The following VSIG4 variants were observed in gnomAD, a reference collection of about 807,000 sequenced individuals.
VSIG4 encodes the protein V-set and immunoglobulin domain containing 4, also known as V-set and immunoglobulin domain-containing protein 4.
VSIG4 carries 34 observed loss-of-function variants against 23.4 expected under a neutral mutation model. The observed-to-expected ratio is 1.45, with a 90% confidence interval of 1.10 to 1.93. VSIG4 has a LOEUF of 1.93. Among genes scored for constraint, VSIG4 ranks in the 30% most tolerant of loss-of-function variants. The pLI is 0.00. For synonymous variants in VSIG4, 169 were observed against 120.3 expected (o/e 1.41, Z -2.65); for missense variants, 433 against 310.8 (o/e 1.39, Z -2.96).
At position 66,022,046 on chromosome X, in the gene VSIG4, A is replaced by G. The variant is rs192923613; in HGVS notation, c.*217T>C. 64 of 1,158,265 alleles carry G rather than the reference A, an allele frequency of 5.5e-5. No individual in the cohort carries two copies. In the African/African-American group the frequency reaches 1.1e-3, roughly 21 times the overall value. ...GAGGAGTACCAGAAGCCCCCGGCAG[A>G]GATACTAGAAGGGCCCAGAGCCAAA... On this transcript the variant is annotated 3_prime_UTR_variant, in exon 8 of 8. Transcript: ENST00000374737.
In VSIG4 at chrX:66,022,234, T is replaced by C; in HGVS notation, c.*29A>G. 8.3e-7 allele frequency: 1 copy of C among 1,211,934 alleles called. No individual in the cohort carries two copies. The highest frequency in any genetic ancestry group is 1.1e-6 in the Non-Finnish European group (1 of 895,479). Reference sequence around the variant, plus strand: ...GGCAAGGACTGACTAGGCAATTATGTCAGCAGATCCTGGCCTAATGGGGCA... The same window carrying C: ...GGCAAGGACTGACTAGGCAATTATGCCAGCAGATCCTGGCCTAATGGGGCA... On this transcript the variant is annotated 3_prime_UTR_variant, in exon 8 of 8. Transcript: ENST00000374737.
intron 1 of VSIG4, among the ~76,000 whole-genome samples, chrX:66,036,943 TGA>T (rs1300784859): frequency 6.3e-5 from 2 of 31,985 alleles, no homozygotes; most frequent in African/African-American, 2.2e-4. Context: ...ATATATTATA[TGA>T]TATATTATAT....
chrX:66,022,224 G>A lies in VSIG4; in HGVS notation c.*39C>T, dbSNP rs1318740209. On this transcript the variant is annotated 3_prime_UTR_variant, in exon 8 of 8. Coordinates refer to ENST00000374737, the MANE Select transcript of VSIG4 (RefSeq NM_007268.3). ...CCATGCAGAAGGCAAGGACTGACTA[G>A]GCAATTATGTCAGCAGATCCTGGCC... 5 of 1,210,674 alleles carry A rather than the reference G, an allele frequency of 4.1e-6. No individual in the cohort carries two copies. The highest frequency in any genetic ancestry group is 5.6e-6 in the Non-Finnish European group (5 of 895,324).
In VSIG4 at chrX:66,024,250, G is replaced by A. The variant is rs547535262; in HGVS notation, c.940+775C>T. Among the ~76,000 whole-genome samples, 10 of 112,353 alleles carry A rather than the reference G, an allele frequency of 8.9e-5. No homozygotes were observed. In the South Asian group the frequency reaches 3.7e-3, roughly 41 times the overall value. ...CTCGGTTGGTTCATAGTTTTTAAATGGCTCTGACAACTGTGCTGTCATTAT... is the reference window on the plus strand; with the variant it reads ...CTCGGTTGGTTCATAGTTTTTAAATAGCTCTGACAACTGTGCTGTCATTAT... On this transcript the variant is annotated intron_variant, in intron 6 of 7. Coordinates refer to ENST00000374737, the MANE Select transcript of VSIG4 (RefSeq NM_007268.3).
intron 1 of VSIG4, among the ~76,000 whole-genome samples, chrX:66,037,538 ATATAT>A (rs942462702): frequency 0.015 from 315 of 21,444 alleles, 2 homozygotes; most frequent in African/African-American, 0.063. Flanking sequence ...TATATTCATA[ATATAT>A]TATATTATAT....
intron 3 of VSIG4, 97 bp from the exon 4 acceptor site, chrX:66,028,209 T>C: frequency 1.3e-6 from 1 of 744,209 alleles, no homozygotes; most frequent in Non-Finnish European, 2.1e-6. Flanking sequence ...GCCATTCAGG[T>C]CCATACTTGG....
intron 5 of VSIG4, among the ~76,000 whole-genome samples, chrX:66,026,013 G>A (rs956829639): frequency 1.8e-5 from 2 of 112,100 alleles, no homozygotes; most frequent in Non-Finnish European, 3.8e-5. Context: ...TACTAGGTTT[G>A]GGGTAAGTTT....
rs1012673228 is a variant in VSIG4 at position 66,032,808 on chromosome X, G to A, written c.413-59C>T. Reference sequence around the variant, plus strand: ...CAGTCATAAGGATATGGGACCAAAAGGCTGAATCATTCTTGTTGGGCGTAA... The same window carrying A: ...CAGTCATAAGGATATGGGACCAAAAAGCTGAATCATTCTTGTTGGGCGTAA... On this transcript the variant is annotated intron_variant, in intron 2 of 7. Transcript: ENST00000374737. The A allele has an allele frequency of 8.0e-6, 9 of 1,129,480 alleles. No homozygotes were observed. In the African/African-American group the frequency reaches 1.3e-4, roughly 16 times the overall value. 93.1% of individuals were successfully genotyped at this position (1,129,480 alleles called of 1,213,427 possible).
Position 66,025,057 on chromosome X carries a change from T to C in VSIG4, c.908A>G (p.Tyr303Cys), listed in dbSNP as rs78361676. 1,649 of 1,203,014 alleles carry C rather than the reference T, an allele frequency of 1.4e-3. 16 individuals carry two copies. The African/African-American group carries it at 0.026, about 19-fold the overall frequency. Residue 303 changes from tyrosine to cysteine, a missense_variant, in exon 6 of 8, where the codon TAT (tyrosine) becomes TGT (cysteine). Coordinates refer to ENST00000374737, the MANE Select transcript of VSIG4 (RefSeq NM_007268.3). ...LCCMVVFTMAYIMLCRKTSQQ... is the reference protein window; with the variant it reads ...LCCMVVFTMACIMLCRKTSQQ... ...GGATGTCTTCCGACAGAGCATGATA[T>C]AGGCCATGGTAAAAACCACCATACA...
intron 6 of VSIG4, among the ~76,000 whole-genome samples, chrX:66,024,100 T>G (rs746368720): frequency 2.7e-5 from 3 of 112,536 alleles, no homozygotes; most frequent in Non-Finnish European, 5.6e-5. Context: ...CCAGGCTATT[T>G]GGGAGTAAGA....
intron 1 of VSIG4, 123 bp downstream of exon 1, chrX:66,039,821 A>C (rs1420174785): frequency 1.3e-6 from 1 of 775,607 alleles, no homozygotes. Flanking sequence ...GAGCCTGCAG[A>C]GTTTGGCTGA....
chrX:66,027,136 G>A (rs1230940084), intron 5 of VSIG4, among the ~76,000 whole-genome samples: 2 of 111,573 alleles, frequency 1.8e-5, no homozygotes, highest in Non-Finnish European at 3.8e-5. Flanking sequence ...AGGTCATGAT[G>A]TCATAATGTC....
At chrX:66,037,684 CATTAT>C (rs1327407109) in intron 1 of VSIG4, among the ~76,000 whole-genome samples, 4 of 82,106 alleles carry the variant, frequency 4.9e-5, no homozygotes, top group African/African-American at 1.0e-4. Flanking sequence ...TAATATATAA[CATTAT>C]ATTATATTAT....
intron 6 of VSIG4, among the ~76,000 whole-genome samples, chrX:66,023,444 T>G (rs191661713): frequency 1.8e-5 from 2 of 112,170 alleles, no homozygotes; most frequent in East Asian, 5.6e-4. Context: ...TGTACTGCCC[T>G]CTAGGTGCTT....
Position 66,028,079 on chromosome X carries a change from G to A in VSIG4, c.728C>T (p.Ala243Val), listed in dbSNP as rs779702078. The change falls in exon 4 of 8, where the codon GCA becomes GTA. Residue 243 changes from alanine (A) to valine (V), a missense_variant. Coordinates refer to ENST00000374737, the MANE Select transcript of VSIG4 (RefSeq NM_007268.3). ...SSKLLKTKTE[A>V]PTTMTYPLKA... ...CAAGGGGTATGTCATGGTTGTAGGTGCCTCAGTCTTGGTCTTGAGTAGCTT... is the reference window on the plus strand; with the variant it reads ...CAAGGGGTATGTCATGGTTGTAGGTACCTCAGTCTTGGTCTTGAGTAGCTT... The A allele has an allele frequency of 8.3e-7, 1 of 1,211,001 alleles. No homozygotes were observed. The highest frequency in any genetic ancestry group is 1.8e-5 in the South Asian group (1 of 56,962).
At chrX:66,025,419 C>T (rs1038735890) in intron 5 of VSIG4, among the ~76,000 whole-genome samples, 9 of 111,646 alleles carry the variant, frequency 8.1e-5, no homozygotes, top group Admixed American at 5.7e-4. Context: ...TTTTCACCTT[C>T]CCTTAGAAAA....
intron 7 of VSIG4, 86 bp from the exon 8 acceptor site, chrX:66,022,586 T>C: frequency 8.6e-7 from 1 of 1,163,493 alleles, no homozygotes; most frequent in Non-Finnish European, 1.1e-6. Context: ...TTCTTGCCAA[T>C]TAATTATCAG....
chrX:66,028,295 CAG>C (rs1456294159), intron 3 of VSIG4, among the ~76,000 whole-genome samples, 183 bp from the exon 4 acceptor site: 2 of 111,819 alleles, frequency 1.8e-5, no homozygotes, highest in Non-Finnish European at 3.8e-5. Flanking sequence ...CAATCAAGGA[CAG>C]AGTTTTTAAC....
In VSIG4 at chrX:66,036,763, TA is replaced by T. The variant is rs1230470807; in HGVS notation, c.56-2934del. Among the ~76,000 whole-genome samples the T allele has an allele frequency of 2.3e-4, 10 of 43,063 alleles. No homozygotes were observed. In the South Asian group the frequency reaches 8.5e-3, roughly 37 times the overall value. 37.4% of individuals were successfully genotyped at this position (43,063 alleles called of 115,157 possible). The stretch of plus-strand genomic sequence containing the variant: ...TATATTAATAATATATAATATAATA[TA>T]ATATATATTATATTATATTATATAT... On this transcript the variant is annotated intron_variant, in intron 1 of 7. Coordinates refer to ENST00000374737, the MANE Select transcript of VSIG4 (RefSeq NM_007268.3).
Sources: allele counts gnomAD v4.1 joint callset (sites outside exome capture counted in the v4.1 genomes callset), GRCh38; gene constraint gnomAD v4.1.1; transcripts MANE v1.5; gene names NCBI Gene and HGNC (gene_info 2026-07-23, HGNC 2026-07-21).